PTPRD: variants seen among roughly 807,000 people sequenced by gnomAD.
The protein encoded by PTPRD is protein tyrosine phosphatase receptor type D, also known as receptor-type tyrosine-protein phosphatase delta.
A neutral mutation model predicts 214.5 loss-of-function variants in PTPRD; 34 were observed. The ratio of observed to expected loss-of-function variants is 0.16; its 90% CI spans 0.12 to 0.21. The LOEUF (loss-of-function observed/expected upper bound fraction) is 0.21. PTPRD is among the 10% of genes least tolerant of loss of function. PTPRD has a pLI of 1.00. For missense variants in PTPRD, 2,545 were observed against 2,398.7 expected, an observed-to-expected ratio of 1.06 and a Z score of -1.27; for synonymous variants, 1,128 against 845.7, an observed-to-expected ratio of 1.33 and a Z score of -5.79.
chr9:10,556,397 G>C (rs977176340), intron 2 of PTPRD, among the ~76,000 whole-genome samples: 1 of 151,862 alleles, frequency 6.6e-6, no homozygotes, highest in Non-Finnish European at 1.5e-5. Flanking sequence ...TATGAAAACA[G>C]TGTTTTTCCA....
At chr9:10,452,735 T>C (rs935126418) in intron 2 of PTPRD, among the ~76,000 whole-genome samples, 25 of 151,864 alleles carry the variant, frequency 1.6e-4, no homozygotes. Flanking sequence ...TTGCCTCATG[T>C]CAGATACATG....
intron 5 of PTPRD, among the ~76,000 whole-genome samples, chr9:9,901,137 G>A (rs1335210257): frequency 2.0e-5 from 3 of 152,138 alleles, no homozygotes; most frequent in Non-Finnish European, 4.4e-5. Flanking sequence ...GTATAACACG[G>A]CGAGACTGGA....
intron 11 of PTPRD, among the ~76,000 whole-genome samples, chr9:8,827,624 T>C (rs957576515): frequency 6.6e-6 from 1 of 152,070 alleles, no homozygotes; most frequent in Non-Finnish European, 1.5e-5. Context: ...CAAAAAAAAT[T>C]AGGTTTTTGC....
chr9:8,863,868 G>A (rs1053416420), intron 11 of PTPRD, among the ~76,000 whole-genome samples: 2 of 152,158 alleles, frequency 1.3e-5, no homozygotes, highest in African/African-American at 2.4e-5. Flanking sequence ...GAAAGGCAGA[G>A]CTGATTAGGG....
intron 3 of PTPRD, among the ~76,000 whole-genome samples, chr9:10,097,463 A>G (rs1368325929): frequency 6.6e-6 from 1 of 151,240 alleles, no homozygotes; most frequent in Non-Finnish European, 1.5e-5. Context: ...CATCCCTTGT[A>G]AGTTGAATTC....
intron 10 of PTPRD, among the ~76,000 whole-genome samples, chr9:9,038,043 T>A (rs1358358468): frequency 6.6e-6 from 1 of 152,198 alleles, no homozygotes; most frequent in African/African-American, 2.4e-5. Context: ...AAATAAAATA[T>A]TGAAAACCTA....
intron 4 of PTPRD, among the ~76,000 whole-genome samples, chr9:9,983,278 T>C (rs976903962): frequency 4.6e-5 from 7 of 152,324 alleles, no homozygotes; most frequent in African/African-American, 1.4e-4. Flanking sequence ...TAAGGGGACT[T>C]AGAATAGTTC....
chr9:10,551,334 G>T (rs1307439078), intron 2 of PTPRD, among the ~76,000 whole-genome samples: 2 of 152,094 alleles, frequency 1.3e-5, no homozygotes, highest in Non-Finnish European at 2.9e-5. Context: ...GGGAGACCTT[G>T]TCACCAAAAA....
intron 8 of PTPRD, among the ~76,000 whole-genome samples, chr9:9,462,646 C>G (rs145398929): frequency 3.8e-4 from 58 of 152,246 alleles, no homozygotes; most frequent in African/African-American, 1.3e-3. Flanking sequence ...ATCCTTCTCC[C>G]TTATGTTCAA....
intron 8 of PTPRD, among the ~76,000 whole-genome samples, chr9:9,569,011 A>T (rs1464900986): frequency 6.6e-6 from 1 of 151,838 alleles, no homozygotes; most frequent in African/African-American, 2.4e-5. Flanking sequence ...AGGCAAAGAC[A>T]CTGGGGAAAG....
intron 2 of PTPRD, among the ~76,000 whole-genome samples, chr9:10,497,563 T>C (rs899947412): frequency 1.3e-5 from 2 of 152,068 alleles, no homozygotes; most frequent in South Asian, 2.1e-4. Context: ...TAAAAGTCTA[T>C]AATTGAAGTT....
At chr9:10,354,519 C>T (rs1182001078) in intron 2 of PTPRD, among the ~76,000 whole-genome samples, 1 of 152,178 alleles carries the variant, frequency 6.6e-6, no homozygotes, top group East Asian at 1.9e-4. Context: ...TTGATTCCTA[C>T]CTCATCGTAG....
At chr9:10,510,724 T>C (rs62537983) in intron 2 of PTPRD, among the ~76,000 whole-genome samples, 8,100 of 152,244 alleles carry the variant, frequency 0.053, 289 homozygotes, top group Middle Eastern at 0.092. Context: ...ATTCCAAATC[T>C]ACTCTTCTAG....
intron 10 of PTPRD, among the ~76,000 whole-genome samples, chr9:9,041,828 CA>C (rs1569493885): frequency 6.6e-6 from 1 of 152,180 alleles, no homozygotes; most frequent in Non-Finnish European, 1.5e-5. Flanking sequence ...TCCTAAATCC[CA>C]GCTAATCTCC....
intron 10 of PTPRD, among the ~76,000 whole-genome samples, chr9:9,151,312 C>T (rs1428227294): frequency 1.3e-5 from 2 of 152,184 alleles, no homozygotes; most frequent in Non-Finnish European, 2.9e-5. Flanking sequence ...TGATATTGCA[C>T]ATCCTTTAGC....
At chr9:9,923,342 G>A (rs1411165871) in intron 5 of PTPRD, among the ~76,000 whole-genome samples, 1 of 150,452 alleles carries the variant, frequency 6.6e-6, no homozygotes, top group Non-Finnish European at 1.5e-5. Context: ...GACACAAAGA[G>A]ATGGAAAACG....
rs114362826 is a variant in PTPRD at position 8,376,156 on chromosome 9, G to C, written c.4507-66C>G. The C allele has an allele frequency of 4.8e-4, 759 of 1,570,378 alleles. 4 individuals carry two copies. In the African/African-American group the frequency reaches 9.4e-3, roughly 19 times the overall value. ...CCTCAGGTGGTAATGATGAATAACAGGGAAGAGGTAATGCTAAAATGTGCT... is the reference window on the plus strand; with the variant it reads ...CCTCAGGTGGTAATGATGAATAACACGGAAGAGGTAATGCTAAAATGTGCT... On this transcript the variant is annotated intron_variant, in intron 38 of 45. Transcript: ENST00000381196.
intron 7 of PTPRD, among the ~76,000 whole-genome samples, chr9:9,593,102 G>A (rs2092911312): frequency 6.8e-6 from 1 of 147,158 alleles, no homozygotes; most frequent in East Asian, 2.0e-4. Flanking sequence ...GAAAGACAGA[G>A]AGAGAGAAAG....
chr9:9,215,637 G>A (rs907590595), intron 9 of PTPRD, among the ~76,000 whole-genome samples: 40 of 152,046 alleles, frequency 2.6e-4, no homozygotes, highest in Non-Finnish European at 2.5e-4. Context: ...GAGTTGGGAC[G>A]AAGGGAGCAG....
Sources: gnomAD v4.1 joint callset for allele counts (sites outside exome capture counted in the v4.1 genomes callset) on GRCh38, gnomAD v4.1.1 for gene constraint, MANE v1.5 for transcripts, NCBI Gene and HGNC (gene_info 2026-07-23, HGNC 2026-07-21) for gene names.